The following CPS1 variants were observed in gnomAD, a reference collection of about 807,000 sequenced individuals.
CPS1 encodes the protein carbamoyl-phosphate synthase 1, also known as carbamoyl-phosphate synthase [ammonia], mitochondrial.
CPS1 carries 109 observed loss-of-function variants against 174.6 expected under a neutral mutation model. The observed-to-expected ratio is 0.62, with a 90% CI of 0.53 to 0.73. The LOEUF (loss-of-function observed/expected upper bound fraction) is 0.73, where lower values mean the gene tolerates loss of function less well. CPS1 is among the 30% of genes least tolerant of loss of function. The probability of loss-of-function intolerance (pLI) is 0.00; values close to 1 mark genes in which losing one functional copy is unlikely to be tolerated. For missense variants in CPS1, 1,689 were observed against 1,821.9 expected (o/e 0.93, Z 1.33); for synonymous variants, 637 against 632.0 (o/e 1.01, Z -0.12).
intron 6 of CPS1, among the ~76,000 whole-genome samples, chr2:210,587,031 A>G (rs1004336267): frequency 6.6e-6 from 1 of 151,600 alleles, no homozygotes; most frequent in Non-Finnish European, 1.5e-5. Flanking sequence ...GTGACATTCA[A>G]TTCAGCAATA....
At position 210,592,882 on chromosome 2, in the gene CPS1, A is replaced by T; in HGVS notation, c.1090A>T (p.Ile364Phe). Residue 364 changes from isoleucine (I) to phenylalanine (F), a missense_variant, in exon 11 of 38, where the codon ATT becomes TTT. Ile to Phe is a conservative substitution (Grantham distance 21). Coordinates refer to ENST00000233072, the MANE Select transcript of CPS1 (RefSeq NM_001875.5). ...TTCCTGTTTCTTATTCCTTTAGGGG[A>T]TTATGCATGAGAGCAAACCCTTCTT... ...VNVNDQTNEGIMHESKPFFAV... is the reference protein window; with the variant it reads ...VNVNDQTNEGFMHESKPFFAV... 6.2e-7 allele frequency: 1 copy of T among 1,612,034 alleles called. No homozygotes were observed. The highest frequency in any genetic ancestry group is 1.1e-5 in the South Asian group (1 of 91,020).
chr2:210,577,846 T>C (rs1304597224), intron 4 of CPS1, among the ~76,000 whole-genome samples: 1 of 152,150 alleles, frequency 6.6e-6, no homozygotes, highest in Admixed American at 6.6e-5. Context: ...ATCTAGAATG[T>C]AGTAATGGAA....
intron 1 of CPS1, among the ~76,000 whole-genome samples, chr2:210,536,546 A>G (rs867834978): frequency 2.6e-5 from 4 of 152,018 alleles, no homozygotes; most frequent in Admixed American, 1.3e-4. Context: ...CAGGATGGCT[A>G]CGATCTCCTA....
intron 6 of CPS1, among the ~76,000 whole-genome samples, chr2:210,586,044 A>C (rs1316229375): frequency 6.6e-6 from 1 of 151,888 alleles, no homozygotes; most frequent in East Asian, 1.9e-4. Context: ...AGGCTTTAAA[A>C]AAAGTTATTA....
At chr2:210,614,884 G>C (rs1348141343) in intron 20 of CPS1, among the ~76,000 whole-genome samples, 2 of 151,668 alleles carry the variant, frequency 1.3e-5, no homozygotes, top group East Asian at 3.9e-4. Flanking sequence ...GGGCCTGTCG[G>C]GGGGTGGGGA....
chr2:210,506,146 A>G (rs959322974), intron 1 of CPS1, among the ~76,000 whole-genome samples: 1 of 152,160 alleles, frequency 6.6e-6, no homozygotes, highest in African/African-American at 2.4e-5. Flanking sequence ...GTAGGGGCAG[A>G]CTGACACCTC....
chr2:210,587,744 A>C (rs1247247111), intron 6 of CPS1, among the ~76,000 whole-genome samples: 1 of 152,128 alleles, frequency 6.6e-6, no homozygotes, highest in Admixed American at 6.6e-5. Context: ...CATTGCTACC[A>C]GTTGTTAATG....
intron 27 of CPS1, among the ~76,000 whole-genome samples, chr2:210,650,005 T>C (rs1341096821): frequency 2.0e-5 from 3 of 152,226 alleles, no homozygotes; most frequent in African/African-American, 7.2e-5. Context: ...AATCAGGTTC[T>C]GGGCTGAATC....
At chr2:210,613,832 G>T (rs1699212748) in intron 20 of CPS1, among the ~76,000 whole-genome samples, 1 of 151,948 alleles carries the variant, frequency 6.6e-6, no homozygotes, top group Admixed American at 6.6e-5. Context: ...TGCAGGGGCT[G>T]CGTGTAAATT....
At chr2:210,502,174 T>G (rs1041785554) in intron 1 of CPS1, among the ~76,000 whole-genome samples, 3 of 151,954 alleles carry the variant, frequency 2.0e-5, no homozygotes, top group African/African-American at 7.3e-5. Flanking sequence ...GTCCCACCCT[T>G]GACACGTGGA....
chr2:210,527,587 G>T (rs1696007578), intron 1 of CPS1, among the ~76,000 whole-genome samples: 1 of 151,866 alleles, frequency 6.6e-6, no homozygotes, highest in Non-Finnish European at 1.5e-5. Flanking sequence ...AGTGTTTCCT[G>T]ATATCCCTGA....
intron 31 of CPS1, 57 bp from the exon 32 acceptor site, chr2:210,660,428 T>C: frequency 2.0e-6 from 3 of 1,519,422 alleles, no homozygotes; most frequent in Non-Finnish European, 1.8e-6. Flanking sequence ...AGAATATTAA[T>C]ATTGTTGTTA....
At position 210,611,928 on chromosome 2, in the gene CPS1, C is replaced by T. The variant is rs971646706; in HGVS notation, c.2392-189C>T. Among the ~76,000 whole-genome samples the T allele has an allele frequency of 4.7e-5, 7 of 149,836 alleles. 1 individual carries two copies. The highest frequency in any genetic ancestry group is 1.7e-4 in the African/African-American group (7 of 40,764). On this transcript the variant is annotated intron_variant, in intron 19 of 37. Coordinates refer to ENST00000233072, the MANE Select transcript of CPS1 (RefSeq NM_001875.5). ...CTGACCTAATGAAGATGCATTATAC[C>T]AAAACCATGGAGAAAGTGAGAGAGG...
chr2:210,586,059 A>T (rs1698097291), intron 6 of CPS1, among the ~76,000 whole-genome samples: 1 of 151,914 alleles, frequency 6.6e-6, no homozygotes, highest in Admixed American at 6.6e-5. Flanking sequence ...TTATTAAAAG[A>T]GTAAAACAGT....
At chr2:210,578,508 C>T (rs190842655) in intron 4 of CPS1, among the ~76,000 whole-genome samples, 8 of 152,266 alleles carry the variant, frequency 5.3e-5, no homozygotes, top group South Asian at 2.1e-4. Flanking sequence ...ACTTCATCTC[C>T]AGTGTTGCTG....
chr2:210,499,272 C>T (rs1261257595), intron 1 of CPS1, among the ~76,000 whole-genome samples: 2 of 152,060 alleles, frequency 1.3e-5, no homozygotes, highest in Non-Finnish European at 2.9e-5. Flanking sequence ...CCCACTGCAC[C>T]GTGATCCCAG....
chr2:210,556,622 T>C lies in CPS1; in HGVS notation c.-112T>C. On this transcript the variant is annotated 5_prime_UTR_variant, in exon 1 of 38. Transcript: ENST00000233072. ...TCAAAGATCGCTGTGCAGTCAGCCT[T>C]AAACACTGACTGCACCCCTCCCAGA... 1 of 1,545,658 alleles carries C rather than the reference T, an allele frequency of 6.5e-7. No individual in the cohort carries two copies. The highest frequency in any genetic ancestry group is 8.7e-7 in the Non-Finnish European group (1 of 1,146,248).
At chr2:210,496,655 A>G (rs542066727) in intron 1 of CPS1, among the ~76,000 whole-genome samples, 2 of 150,756 alleles carry the variant, frequency 1.3e-5, no homozygotes, top group South Asian at 4.2e-4. Context: ...CATAACCTAC[A>G]TAGAACTTAA....
chr2:210,501,437 A>C (rs1455670660), intron 1 of CPS1, among the ~76,000 whole-genome samples: 1 of 152,108 alleles, frequency 6.6e-6, no homozygotes, highest in Non-Finnish European at 1.5e-5. Flanking sequence ...ATCCCAAACC[A>C]TATCTTTGTG....
Sources: allele counts gnomAD v4.1 joint callset (sites outside exome capture counted in the v4.1 genomes callset), GRCh38; gene constraint gnomAD v4.1.1; transcripts MANE v1.5; gene names NCBI Gene and HGNC (gene_info 2026-07-23, HGNC 2026-07-21).